Variants in LIN7A observed in about 807,000 individuals in gnomAD.
The protein encoded by LIN7A is protein lin-7 homolog A.
In LIN7A, 25 loss-of-function variants were observed where a neutral mutation model predicts 29.8. That is an observed-to-expected ratio of 0.84 (90% CI 0.61 to 1.17). The LOEUF is 1.17. Among genes scored for constraint, LIN7A ranks in the 50% most tolerant of loss-of-function variants. The pLI, the probability that LIN7A is intolerant of heterozygous loss-of-function variation, is 0.00. For synonymous variants in LIN7A, 118 were observed against 107.5 expected, an observed-to-expected ratio of 1.10 and a Z score of -0.60; for missense variants, 239 against 287.0, an observed-to-expected ratio of 0.83 and a Z score of 1.21.
intron 4 of LIN7A, among the ~76,000 whole-genome samples, chr12:80,824,035 C>T (rs1203313530): frequency 6.6e-6 from 1 of 151,762 alleles, no homozygotes; most frequent in Non-Finnish European, 1.5e-5. Flanking sequence ...CAGGGCAGAA[C>T]TAAATGAAAT....
At chr12:80,877,864 G>T (rs1276803431) in intron 2 of LIN7A, among the ~76,000 whole-genome samples, 2 of 149,794 alleles carry the variant, frequency 1.3e-5, no homozygotes, top group African/African-American at 4.9e-5. Context: ...TTGTGCACTG[G>T]GAAGAAAAAA....
chr12:80,822,465 G>A (rs546124517), intron 4 of LIN7A, among the ~76,000 whole-genome samples: 2 of 152,284 alleles, frequency 1.3e-5, no homozygotes, highest in South Asian at 2.1e-4. Context: ...GGCTGAGGCA[G>A]GAGAATTGCT....
At chr12:80,899,770 C>CTTTTTTTTT (rs71309554) in intron 1 of LIN7A, among the ~76,000 whole-genome samples, 1 of 125,526 alleles carries the variant, frequency 8.0e-6, no homozygotes, top group African/African-American at 2.8e-5. Flanking sequence ...TTTTTCTTTT[C>CTTTTTTTTT]TTTTTTTTTT....
At chr12:80,889,100 A>T in intron 2 of LIN7A, 151 bp downstream of exon 2, 1 of 636,914 alleles carries the variant, frequency 1.6e-6, no homozygotes, top group Non-Finnish European at 2.8e-6. Context: ...AGCAGGCTAA[A>T]TTATATTTTA....
chr12:80,813,557 A>G (rs1871396630), intron 4 of LIN7A, among the ~76,000 whole-genome samples: 1 of 152,194 alleles, frequency 6.6e-6, no homozygotes, highest in Non-Finnish European at 1.5e-5. Flanking sequence ...ACAGAAAACA[A>G]AAAACAAATC....
intron 1 of LIN7A, among the ~76,000 whole-genome samples, chr12:80,933,318 C>A (rs546027645): frequency 6.8e-4 from 104 of 152,202 alleles, no homozygotes; most frequent in African/African-American, 2.5e-3. Context: ...AGTTTTTGAT[C>A]ATTTTCTTGG....
chr12:80,882,914 G>C (rs1875136759), intron 2 of LIN7A, among the ~76,000 whole-genome samples: 1 of 151,908 alleles, frequency 6.6e-6, no homozygotes, highest in Non-Finnish European at 1.5e-5. Context: ...TAAGTAACTT[G>C]GCACTAGATT....
intron 5 of LIN7A, among the ~76,000 whole-genome samples, chr12:80,807,063 G>GTTTTTTGTTTTTTT (rs1871027189): frequency 1.9e-5 from 1 of 53,592 alleles, no homozygotes; most frequent in African/African-American, 8.7e-5. Flanking sequence ...TGAAGATGGA[G>GTTTTTTGTTTTTTT]TTTTTTTTTT....
intron 4 of LIN7A, among the ~76,000 whole-genome samples, chr12:80,836,186 C>G (rs1872582250): frequency 6.6e-6 from 1 of 152,152 alleles, no homozygotes; most frequent in South Asian, 2.1e-4. Context: ...AGTTCTTCAG[C>G]CTCATCTTAT....
At chr12:80,870,284 T>A (rs1874361765) in intron 2 of LIN7A, among the ~76,000 whole-genome samples, 1 of 152,188 alleles carries the variant, frequency 6.6e-6, no homozygotes, top group South Asian at 2.1e-4. Context: ...TAATAAATAT[T>A]TAAATCTTGG....
chr12:80,906,442 A>G (rs1360160794), intron 1 of LIN7A, among the ~76,000 whole-genome samples: 1 of 152,162 alleles, frequency 6.6e-6, no homozygotes, highest in Non-Finnish European at 1.5e-5. Context: ...TGTTTGATCC[A>G]GGACTCTCTT....
intron 5 of LIN7A, among the ~76,000 whole-genome samples, chr12:80,810,719 G>C (rs760445531): frequency 2.9e-4 from 44 of 152,018 alleles, no homozygotes; most frequent in Non-Finnish European, 3.2e-4. Context: ...GGTGTACAAG[G>C]GTTCCCTTTT....
At chr12:80,925,213 T>C (rs1452288920) in intron 1 of LIN7A, among the ~76,000 whole-genome samples, 6 of 152,160 alleles carry the variant, frequency 3.9e-5, no homozygotes, top group African/African-American at 1.4e-4. Context: ...AATTTCAACC[T>C]CATGTGGTAA....
intron 5 of LIN7A, among the ~76,000 whole-genome samples, chr12:80,805,111 G>C (rs1372041127): frequency 6.6e-6 from 1 of 152,192 alleles, no homozygotes; most frequent in Non-Finnish European, 1.5e-5. Flanking sequence ...CTATTGTAAA[G>C]ATTAAGTAAT....
chr12:80,815,891 G>A (rs1411064202), intron 4 of LIN7A, among the ~76,000 whole-genome samples: 2 of 152,112 alleles, frequency 1.3e-5, no homozygotes, highest in Non-Finnish European at 2.9e-5. Context: ...AACAGCCTGA[G>A]GGTATATAGT....
At chr12:80,880,411 T>C (rs1385531010) in intron 2 of LIN7A, among the ~76,000 whole-genome samples, 2 of 152,220 alleles carry the variant, frequency 1.3e-5, no homozygotes, top group African/African-American at 4.8e-5. Context: ...CACTTATTCA[T>C]TGGAAAGCCA....
chr12:80,841,342 GGGAAGGAAGGAAGGAAGGAA>G (rs201176926), intron 4 of LIN7A, among the ~76,000 whole-genome samples: 4,933 of 126,036 alleles, frequency 0.039, 108 homozygotes, highest in Non-Finnish European at 0.047. Context: ...GAAAGAGGGA[GGGAAGGAAGGAAGGAAGGAA>G]GGAAGGAAGG....
At chr12:80,818,146 TTTTGTTTG>T (rs767165513) in intron 4 of LIN7A, among the ~76,000 whole-genome samples, 2 of 152,130 alleles carry the variant, frequency 1.3e-5, no homozygotes, top group East Asian at 1.9e-4. Flanking sequence ...CATGAAGTTC[TTTTGTTTG>T]TTTGTTTGTT....
intron 2 of LIN7A, among the ~76,000 whole-genome samples, chr12:80,860,404 A>G (rs574522534): frequency 7.2e-4 from 109 of 152,360 alleles, no homozygotes; most frequent in African/African-American, 2.5e-3. Context: ...CTCATAGTCC[A>G]GATAGATGCC....
Sources: gnomAD v4.1 joint callset for allele counts (sites outside exome capture counted in the v4.1 genomes callset) on GRCh38, gnomAD v4.1.1 for gene constraint, MANE v1.5 for transcripts, NCBI Gene and HGNC (gene_info 2026-07-23, HGNC 2026-07-21) for gene names.